Variants in ZBTB38 observed in about 807,000 individuals in gnomAD.
The protein encoded by ZBTB38 is zinc finger and BTB domain containing 38, also known as zinc finger and BTB domain-containing protein 38.
ZBTB38 carries 20 observed loss-of-function variants against 76.8 expected under a neutral mutation model. The ratio of observed to expected loss-of-function variants is 0.26; its 90% CI spans 0.18 to 0.38. The LOEUF is 0.38. Ranked by LOEUF, ZBTB38 falls within the 10% of genes least tolerant of loss-of-function variation. The pLI is 1.00. For missense variants in ZBTB38, 1,082 were observed against 1,482.3 expected, an observed-to-expected ratio of 0.73 and a Z score of 4.43; for synonymous variants, 504 against 544.2, an observed-to-expected ratio of 0.93 and a Z score of 1.03.
intron 5 of ZBTB38, among the ~76,000 whole-genome samples, chr3:141,422,355 G>A (rs2075587328): frequency 6.6e-6 from 1 of 152,120 alleles, no homozygotes; most frequent in Non-Finnish European, 1.5e-5. Context: ...CTCCTTGCCT[G>A]GCACTTATTG....
Position 141,443,634 on chromosome 3 carries a change from G to A in ZBTB38, c.1246G>A (p.Gly416Arg), listed in dbSNP as rs755597209. The change falls in exon 6 of 6, where the codon GGA becomes AGA. Residue 416 changes from glycine to arginine, a missense_variant. Transcript: ENST00000321464. The surrounding 1 kb of genome is among the most constrained non-coding windows in gnomAD (Gnocchi z 5.6). ...CTTTTTAGAAAACTATCCTACCATT[G>A]GACAAAATGGAGGTTCATTCACAGG... ...QRFLENYPTI[G>R]QNGGSFTGPE... 1.2e-6 allele frequency: 2 copies of A among 1,614,170 alleles called. No individual in the cohort carries two copies. Among genetic ancestry groups the A allele is most frequent in the Non-Finnish European group, 1.7e-6 (2 of 1,180,038 alleles).
intron 1 of ZBTB38, among the ~76,000 whole-genome samples, chr3:141,345,592 T>A (rs1943328863): frequency 6.6e-6 from 1 of 152,214 alleles, no homozygotes; most frequent in Admixed American, 6.5e-5. Context: ...ATCCTGGCCT[T>A]ACTATGCAAG....
chr3:141,348,317 C>T (rs542053691), intron 1 of ZBTB38, among the ~76,000 whole-genome samples: 1 of 152,322 alleles, frequency 6.6e-6, no homozygotes, highest in South Asian at 2.1e-4. Flanking sequence ...TAGCCCACAT[C>T]TATTCTTGAG....
chr3:141,382,237 C>G (rs530426555), intron 3 of ZBTB38, among the ~76,000 whole-genome samples: 1 of 152,276 alleles, frequency 6.6e-6, no homozygotes, highest in South Asian at 2.1e-4. Context: ...CAAAACCAAA[C>G]AAACAAAAGA....
intron 5 of ZBTB38, among the ~76,000 whole-genome samples, chr3:141,441,668 G>T (rs1268414827): frequency 6.6e-6 from 1 of 152,066 alleles, no homozygotes; most frequent in Non-Finnish European, 1.5e-5. Context: ...TCTCTGAGTG[G>T]GCAATAGCTT....
At chr3:141,400,575 C>G (rs372423005) in intron 4 of ZBTB38, among the ~76,000 whole-genome samples, 1 of 152,182 alleles carries the variant, frequency 6.6e-6, no homozygotes, top group South Asian at 2.1e-4. Flanking sequence ...TGGAAAATTT[C>G]TAGGGTGTAA....
intron 2 of ZBTB38, among the ~76,000 whole-genome samples, chr3:141,374,571 C>T (rs1945091106): frequency 6.6e-6 from 1 of 152,058 alleles, no homozygotes; most frequent in Non-Finnish European, 1.5e-5. Flanking sequence ...CCCAACCCCA[C>T]CCCATTCTCT....
intron 2 of ZBTB38, among the ~76,000 whole-genome samples, chr3:141,381,186 C>T (rs1453127349): frequency 6.6e-6 from 1 of 152,138 alleles, no homozygotes; most frequent in Non-Finnish European, 1.5e-5. Flanking sequence ...TTACTCATGC[C>T]ATGTTTCAAA....
At chr3:141,409,242 C>T (rs1181940779) in intron 5 of ZBTB38, among the ~76,000 whole-genome samples, 1 of 152,120 alleles carries the variant, frequency 6.6e-6, no homozygotes, top group Non-Finnish European at 1.5e-5. Context: ...GATGGGGTTT[C>T]ACCACGTTGG....
intron 1 of ZBTB38, among the ~76,000 whole-genome samples, chr3:141,335,605 G>GC (rs1393008022): frequency 2.0e-5 from 3 of 152,234 alleles, no homozygotes; most frequent in African/African-American, 7.2e-5. Flanking sequence ...ACAGGAACAG[G>GC]CACAGGCCTT....
rs77389255 is a variant in ZBTB38 at position 141,360,849 on chromosome 3, C to T, written c.-738-7772C>T. ...AAAAAAGTCTCCAGATGTTGCCAAA[C>T]GTTTTCCAGGGGGCAAACGCACCCC... On this transcript the variant is annotated intron_variant, in intron 1 of 7. Coordinates refer to the ZBTB38 transcript ENST00000509842. Among the ~76,000 whole-genome samples the T allele has an allele frequency of 3.3e-4, 50 of 152,222 alleles. No individual in the cohort carries two copies. The East Asian group carries it at 8.1e-3, about 25-fold the overall frequency.
chr3:141,445,490 G>C lies in ZBTB38; in HGVS notation c.3102G>C (p.Gly1034=), dbSNP rs556431116. 8.7e-6 allele frequency: 14 copies of C among 1,614,150 alleles called. No individual in the cohort carries two copies. The East Asian group carries it at 2.7e-4, about 31-fold the overall frequency. The change falls in exon 6 of 6, where the codon GGG becomes GGC. Residue 1034 remains glycine (G), a synonymous_variant. Transcript: ENST00000321464. The surrounding 1 kb of genome is among the most constrained non-coding windows in gnomAD (Gnocchi z 6.5). ...TLKMHMRCHT[G]EKPYQCKTCG... is the part of the protein sequence containing the mutation. The stretch of plus-strand genomic sequence containing the variant: ...AAATGCACATGAGATGTCACACCGG[G>C]GAGAAGCCATACCAGTGCAAGACCT...
intron 4 of ZBTB38, among the ~76,000 whole-genome samples, chr3:141,400,890 A>G (rs562601337): frequency 6.6e-6 from 1 of 152,252 alleles, no homozygotes; most frequent in Non-Finnish European, 1.5e-5. Context: ...AAACCCAGGC[A>G]GGCTGAATCC....
At chr3:141,406,863 C>G (rs1344672) in intron 5 of ZBTB38, among the ~76,000 whole-genome samples, 81,229 of 151,910 alleles carry the variant, frequency 0.53, 24,271 homozygotes, top group African/African-American at 0.82. Context: ...CTGGTGGATT[C>G]ACAAGTGCAA....
intron 5 of ZBTB38, among the ~76,000 whole-genome samples, chr3:141,441,050 A>G (rs1366374727): frequency 6.6e-6 from 1 of 150,482 alleles, no homozygotes; most frequent in Non-Finnish European, 1.5e-5. Context: ...AAAAAAAAAA[A>G]GAAAAGAAAA....
intron 5 of ZBTB38, among the ~76,000 whole-genome samples, chr3:141,419,994 A>C (rs972068969): frequency 1.3e-5 from 2 of 152,146 alleles, no homozygotes; most frequent in South Asian, 2.1e-4. Context: ...TCTCAAAAAA[A>C]AGTGATTTGC....
chr3:141,360,755 A>G (rs573164907), intron 1 of ZBTB38, among the ~76,000 whole-genome samples: 1 of 151,952 alleles, frequency 6.6e-6, no homozygotes, highest in Non-Finnish European at 1.5e-5. Flanking sequence ...TGTCCTGTGT[A>G]TTATAGGATG....
intron 5 of ZBTB38, among the ~76,000 whole-genome samples, chr3:141,416,442 G>A (rs1391321726): frequency 6.6e-6 from 1 of 152,136 alleles, no homozygotes; most frequent in Admixed American, 6.6e-5. Context: ...GAGTGCAGCT[G>A]GATATCTTAG....
rs1015931122 is a variant in ZBTB38, at chr3:141,442,139, A to G, written c.1-250A>G. 6.6e-6 allele frequency among the ~76,000 whole-genome samples: 1 copy of G among 151,952 alleles called. No homozygotes were observed. The highest frequency in any genetic ancestry group is 2.4e-5 in the African/African-American group (1 of 41,372). On this transcript the variant is annotated intron_variant, in intron 5 of 5. Coordinates refer to ENST00000321464, the MANE Select transcript of ZBTB38 (RefSeq NM_001376113.1). The surrounding 1 kb of genome is among the most constrained non-coding windows in gnomAD (Gnocchi z 6.4). ...TGTATATATAGCTCCAACTTTGGAGAAAAGGGGAAGGAGTTCTGGGAGGAT... is the reference window on the plus strand; with the variant it reads ...TGTATATATAGCTCCAACTTTGGAGGAAAGGGGAAGGAGTTCTGGGAGGAT...
Sources: allele counts gnomAD v4.1 joint callset (sites outside exome capture counted in the v4.1 genomes callset), GRCh38; gene constraint gnomAD v4.1.1; non-coding constraint Gnocchi (gnomAD v3.1); transcripts MANE v1.5; gene names NCBI Gene and HGNC (gene_info 2026-07-23, HGNC 2026-07-21).